SFMBT1: variants seen among roughly 807,000 people sequenced by gnomAD.
SFMBT1 encodes scm-like with four MBT domains protein 1.
Under a neutral mutation model 108.7 loss-of-function variants are expected in SFMBT1, and 32 were observed. The ratio of observed to expected loss-of-function variants is 0.29; its 90% CI spans 0.22 to 0.40. The LOEUF is 0.40. Ranked by LOEUF, SFMBT1 falls within the 10% of genes least tolerant of loss-of-function variation. SFMBT1 has a pLI of 1.00. For missense variants in SFMBT1, 816 were observed against 1,059.6 expected, an observed-to-expected ratio of 0.77 and a Z score of 3.19; for synonymous variants, 348 against 369.5, an observed-to-expected ratio of 0.94 and a Z score of 0.67.
At chr3:52,977,843 T>C (rs1047846397) in intron 1 of SFMBT1, among the ~76,000 whole-genome samples, 4 of 152,218 alleles carry the variant, frequency 2.6e-5, no homozygotes, top group Non-Finnish European at 5.9e-5. Context: ...AGGGAGTGTT[T>C]CTTTTAACAG....
At chr3:52,953,164 C>T (rs1035801674) in intron 3 of SFMBT1, among the ~76,000 whole-genome samples, 1 of 152,160 alleles carries the variant, frequency 6.6e-6, no homozygotes, top group African/African-American at 2.4e-5. Flanking sequence ...TTTGAGTAAA[C>T]AGGTTAAAAA....
intron 3 of SFMBT1, among the ~76,000 whole-genome samples, chr3:52,951,215 C>CCTTT (rs1553637594): frequency 2.2e-5 from 3 of 135,790 alleles, no homozygotes; most frequent in Non-Finnish European, 3.0e-5. Flanking sequence ...CTCTAACACT[C>CCTTT]TTTTTTCCTT....
chr3:53,007,552 T>A (rs118122827), intron 1 of SFMBT1, among the ~76,000 whole-genome samples: 1 of 152,328 alleles, frequency 6.6e-6, no homozygotes, highest in East Asian at 1.9e-4. Context: ...AATGGAGACA[T>A]GTCAAAAGGA....
At chr3:52,957,996 A>C (rs2106839638) in intron 2 of SFMBT1, among the ~76,000 whole-genome samples, 1 of 152,356 alleles carries the variant, frequency 6.6e-6, no homozygotes, top group Non-Finnish European at 1.5e-5. Context: ...TGCATAGCAA[A>C]AGAAACAATC....
chr3:52,963,055 G>A (rs1340187133), intron 2 of SFMBT1, among the ~76,000 whole-genome samples: 3 of 151,906 alleles, frequency 2.0e-5, no homozygotes, highest in Non-Finnish European at 4.4e-5. Flanking sequence ...ATGTGGTGGT[G>A]CGATCTCGGC....
intron 1 of SFMBT1, among the ~76,000 whole-genome samples, chr3:53,041,698 CAAAAAAAAAAAAAAAAAAA>C (rs59502728): frequency 4.5e-5 from 2 of 44,114 alleles, no homozygotes; most frequent in African/African-American, 9.2e-5. Context: ...AAGTCTGTCT[CAAAAAAAAAAAAAAAAAAA>C]AAAAAAAAAA....
chr3:52,942,822 G>A lies in SFMBT1; in HGVS notation c.364+531C>T, dbSNP rs562769022. Among the ~76,000 whole-genome samples the A allele has an allele frequency of 3.4e-4, 52 of 152,140 alleles. 1 individual carries two copies. Among genetic ancestry groups the A allele is most frequent in the Non-Finnish European group, 3.4e-4 (23 of 68,002 alleles). On this transcript the variant is annotated intron_variant, in intron 4 of 20. Coordinates refer to ENST00000394752, the MANE Select transcript of SFMBT1 (RefSeq NM_016329.4). ...GGGCCACCCCGCCCAGACAACTCAC[G>A]TATTTTCTTAAATCCGGAGTCCTCT... is the stretch of plus-strand genomic sequence containing the variant.
At chr3:52,996,021 A>C (rs1238373315) in intron 1 of SFMBT1, among the ~76,000 whole-genome samples, 1 of 148,692 alleles carries the variant, frequency 6.7e-6, no homozygotes, top group Non-Finnish European at 1.5e-5. Context: ...CAGTGAGCCA[A>C]GATCACACCA....
At chr3:53,037,672 A>T (rs576302020) in intron 1 of SFMBT1, among the ~76,000 whole-genome samples, 1 of 152,298 alleles carries the variant, frequency 6.6e-6, no homozygotes, top group East Asian at 1.9e-4. Flanking sequence ...CATTTTGCTC[A>T]ATGATAAAAA....
At chr3:52,941,789 T>A (rs1429541892) in intron 4 of SFMBT1, among the ~76,000 whole-genome samples, 1 of 151,648 alleles carries the variant, frequency 6.6e-6, no homozygotes, top group Non-Finnish European at 1.5e-5. Flanking sequence ...ACCCAGCTAC[T>A]TGGCAGGGGT....
chr3:52,927,785 T>TA (rs1418061481), intron 9 of SFMBT1, among the ~76,000 whole-genome samples: 1 of 152,164 alleles, frequency 6.6e-6, no homozygotes, highest in East Asian at 1.9e-4. Context: ...ATCAGTAATC[T>TA]ACCTTCTAAC....
intron 4 of SFMBT1, among the ~76,000 whole-genome samples, chr3:52,935,112 T>C (rs2710314): frequency 0.57 from 86,360 of 152,084 alleles, 25,601 homozygotes; most frequent in Middle Eastern, 0.67. Flanking sequence ...AAGAGTTGTA[T>C]ACAAAACAAA....
intron 6 of SFMBT1, 94 bp downstream of exon 6, chr3:52,931,968 T>A (rs1702873065): frequency 1.5e-6 from 2 of 1,374,478 alleles, no homozygotes; most frequent in Admixed American, 2.4e-5. Flanking sequence ...AACAAAGGTT[T>A]TCATAATATG....
intron 14 of SFMBT1, among the ~76,000 whole-genome samples, chr3:52,914,792 G>A (rs970133969): frequency 1.3e-5 from 2 of 152,150 alleles, no homozygotes; most frequent in African/African-American, 4.8e-5. Flanking sequence ...TGGCCAGTAT[G>A]CTGGTGCTCA....
chr3:53,024,491 A>AT (rs1559553743), intron 1 of SFMBT1, among the ~76,000 whole-genome samples: 1 of 150,172 alleles, frequency 6.7e-6, no homozygotes, highest in African/African-American at 2.5e-5. Context: ...GTTGGCTATG[A>AT]TAAAGGCTTT....
intron 1 of SFMBT1, among the ~76,000 whole-genome samples, chr3:52,988,084 G>C (rs745449986): frequency 1.3e-5 from 2 of 152,196 alleles, no homozygotes; most frequent in Non-Finnish European, 2.9e-5. Flanking sequence ...ACCCAGAAGA[G>C]AGCTGAGGGG....
At chr3:52,963,731 C>T (rs1487245935) in intron 2 of SFMBT1, among the ~76,000 whole-genome samples, 2 of 152,086 alleles carry the variant, frequency 1.3e-5, no homozygotes, top group Admixed American at 1.3e-4. Flanking sequence ...GGATTACAGG[C>T]GTGAGCCACC....
intron 1 of SFMBT1, among the ~76,000 whole-genome samples, chr3:53,031,910 A>T (rs929240479): frequency 6.6e-6 from 1 of 152,246 alleles, no homozygotes; most frequent in Non-Finnish European, 1.5e-5. Context: ...AATTAAAATT[A>T]AAATATTAAA....
At chr3:52,948,825 A>ATTTTTTTGTTTTTTTTTTT (rs1703469023) in intron 3 of SFMBT1, among the ~76,000 whole-genome samples, 1 of 78,284 alleles carries the variant, frequency 1.3e-5, no homozygotes, top group Non-Finnish European at 2.4e-5. Context: ...CTAATTTTTA[A>ATTTTTTTGTTTTTTTTTTT]TTTTTTTTTT....
Sources: gnomAD v4.1 joint callset for allele counts (sites outside exome capture counted in the v4.1 genomes callset) on GRCh38, gnomAD v4.1.1 for gene constraint, MANE v1.5 for transcripts, NCBI Gene and HGNC (gene_info 2026-07-23, HGNC 2026-07-21) for gene names.